The following CPNE4 variants were observed in gnomAD, a reference collection of about 807,000 sequenced individuals.
CPNE4 encodes the protein copine-4.
CPNE4 carries 25 observed loss-of-function variants against 67.9 expected under a neutral mutation model. The observed-to-expected ratio is 0.37, with a 90% CI of 0.27 to 0.51. The LOEUF (loss-of-function observed/expected upper bound fraction) is 0.51. Among genes scored for constraint, CPNE4 ranks in the 20% least tolerant of loss-of-function variants. The pLI is 0.93. For missense variants in CPNE4, 464 were observed against 690.8 expected, an observed-to-expected ratio of 0.67 and a Z score of 3.68; for synonymous variants, 242 against 244.9, an observed-to-expected ratio of 0.99 and a Z score of 0.11.
rs114448186 is a variant in CPNE4, at chr3:131,562,426, G to T, written c.1061+1790C>A. Among the ~76,000 whole-genome samples the T allele has an allele frequency of 6.0e-3, 917 of 152,004 alleles. 4 individuals are homozygous for T. Among genetic ancestry groups the T allele is most frequent in the Middle Eastern group, 0.02 (6 of 294 alleles). On this transcript the variant is annotated intron_variant, in intron 11 of 15. Coordinates refer to ENST00000429747, the MANE Select transcript of CPNE4 (RefSeq NM_130808.3). Reference sequence around the variant, plus strand: ...TTATTATGAGACTGCTTTCTTCCCCGCAGATTCAGAGTTAACTTTTTAATT... The same window carrying T: ...TTATTATGAGACTGCTTTCTTCCCCTCAGATTCAGAGTTAACTTTTTAATT...
chr3:131,769,007 G>A (rs2083096648), intron 2 of CPNE4, among the ~76,000 whole-genome samples: 1 of 152,190 alleles, frequency 6.6e-6, no homozygotes, highest in East Asian at 1.9e-4. Flanking sequence ...ACGAGGATGT[G>A]AAGTTACAAC....
At chr3:131,743,039 A>G (rs975377830) in intron 2 of CPNE4, among the ~76,000 whole-genome samples, 7 of 152,192 alleles carry the variant, frequency 4.6e-5, no homozygotes, top group Non-Finnish European at 5.9e-5. Context: ...AAACAAAAAT[A>G]TTAGAAGTAG....
intron 7 of CPNE4, among the ~76,000 whole-genome samples, chr3:131,641,963 G>A (rs943593760): frequency 3.3e-5 from 5 of 152,038 alleles, no homozygotes; most frequent in East Asian, 1.9e-4. Context: ...CTATGAGGGC[G>A]CTAAGGCATA....
chr3:131,636,922 A>G (rs922501124), intron 7 of CPNE4, among the ~76,000 whole-genome samples: 9 of 152,190 alleles, frequency 5.9e-5, no homozygotes, highest in African/African-American at 1.9e-4. Context: ...CTGGGTGGCT[A>G]GACCCAGAAA....
At position 131,685,975 on chromosome 3, in the gene CPNE4, T is replaced by G; in HGVS notation, c.508-17A>C. ...GAAGAAATCCTAAAATAGATAAACG[T>G]CAATGAATTGTTTTTCCTCCTGCAT... On this transcript the variant is annotated splice_polypyrimidine_tract_variant and intron_variant, in intron 5 of 15. Coordinates refer to ENST00000429747, the MANE Select transcript of CPNE4 (RefSeq NM_130808.3). 1 of 1,420,286 alleles carries G rather than the reference T, an allele frequency of 7.0e-7. No individual in the cohort carries two copies. Among genetic ancestry groups the G allele is most frequent in the Non-Finnish European group, 9.9e-7 (1 of 1,005,632 alleles). 88.0% of individuals were successfully genotyped at this position (1,420,286 alleles called of 1,614,324 possible).
chr3:131,717,876 T>TTCTTTCTTTC (rs1560172579), intron 3 of CPNE4, among the ~76,000 whole-genome samples: 11 of 24,358 alleles, frequency 4.5e-4, no homozygotes, highest in African/African-American at 1.3e-3. Flanking sequence ...TTTCTTTCTT[T>TTCTTTCTTTC]TCTTTCTTTC....
intron 7 of CPNE4, among the ~76,000 whole-genome samples, chr3:131,608,852 C>T (rs1559976638): frequency 1.3e-5 from 2 of 152,062 alleles, no homozygotes; most frequent in Non-Finnish European, 2.9e-5. Context: ...CCTCATTCCA[C>T]AACACTCCCC....
intron 14 of CPNE4, 29 bp from the exon 15 acceptor site, chr3:131,542,822 G>A (rs577700110): frequency 4.7e-6 from 7 of 1,490,528 alleles, no homozygotes; most frequent in South Asian, 2.3e-5. Context: ...TGATGATGGG[G>A]GGGGGTGAAG....
chr3:131,554,812 T>C (rs1304762738), intron 12 of CPNE4, among the ~76,000 whole-genome samples: 1 of 152,036 alleles, frequency 6.6e-6, no homozygotes, highest in Non-Finnish European at 1.5e-5. Flanking sequence ...GGTACCCTGC[T>C]GTCTCTCCAA....
At chr3:131,617,460 A>T (rs1414300042) in intron 7 of CPNE4, among the ~76,000 whole-genome samples, 3 of 152,244 alleles carry the variant, frequency 2.0e-5, no homozygotes, top group Admixed American at 6.5e-5. Context: ...CAGGTGAAGA[A>T]GCTAAAGATC....
At position 131,690,406 on chromosome 3, in the gene CPNE4, C is replaced by T. The variant is rs541935724; in HGVS notation, c.508-4448G>A. Among the ~76,000 whole-genome samples, 5 of 152,228 alleles carry T rather than the reference C, an allele frequency of 3.3e-5. No homozygotes were observed. In the South Asian group the frequency reaches 1.0e-3, roughly 32 times the overall value. On this transcript the variant is annotated intron_variant, in intron 5 of 15. Coordinates refer to ENST00000429747, the MANE Select transcript of CPNE4 (RefSeq NM_130808.3). ...AGCCACATACCTACAGCCATCTCTT[C>T]TTTGACAAAGTTGACAAAAATAAGA... is the stretch of plus-strand genomic sequence containing the variant.
chr3:131,541,827 C>A (rs534722127), intron 15 of CPNE4, among the ~76,000 whole-genome samples: 1 of 151,908 alleles, frequency 6.6e-6, no homozygotes, highest in Non-Finnish European at 1.5e-5. Context: ...CCTGCCACCA[C>A]GCCCAGCTAA....
chr3:131,801,091 G>T (rs546926607), intron 2 of CPNE4, among the ~76,000 whole-genome samples: 19 of 151,886 alleles, frequency 1.3e-4, no homozygotes, highest in Admixed American at 1.2e-3. Flanking sequence ...CTGGATTGTG[G>T]TACATAAATA....
chr3:131,919,100 T>C (rs1237164408), intron 1 of CPNE4, among the ~76,000 whole-genome samples: 1 of 152,148 alleles, frequency 6.6e-6, no homozygotes, highest in Non-Finnish European at 1.5e-5. Flanking sequence ...CTACTCTAAA[T>C]AAATGCCTGC....
intron 1 of CPNE4, among the ~76,000 whole-genome samples, chr3:131,916,045 T>A (rs1324190053): frequency 6.6e-6 from 1 of 152,138 alleles, no homozygotes; most frequent in Non-Finnish European, 1.5e-5. Context: ...GCAAGAGAAA[T>A]CGTATAAATG....
At chr3:131,622,879 G>A (rs1199775472) in intron 7 of CPNE4, among the ~76,000 whole-genome samples, 2 of 152,292 alleles carry the variant, frequency 1.3e-5, no homozygotes, top group South Asian at 2.1e-4. Context: ...TGAAAGTACT[G>A]CCCTAGAACA....
intron 2 of CPNE4, among the ~76,000 whole-genome samples, chr3:131,897,065 G>A (rs1009517908): frequency 6.6e-6 from 1 of 152,066 alleles, no homozygotes; most frequent in African/African-American, 2.4e-5. Flanking sequence ...GGTTTTAGAT[G>A]AGGACATTGA....
At chr3:131,819,491 TACACAC>T (rs5852655) in intron 2 of CPNE4, among the ~76,000 whole-genome samples, 130 of 146,156 alleles carry the variant, frequency 8.9e-4, no homozygotes, top group South Asian at 3.3e-3. Context: ...CACACACAGA[TACACAC>T]ACACACACAC....
rs574571106 is a variant in CPNE4, at chr3:131,875,558, A to G, written c.180+29706T>C. ...GACATGGATGAAGCTGGAAACCATC[A>G]TTCTCAGCAAACTATCGCAAGGACA... On this transcript the variant is annotated intron_variant, in intron 2 of 15. Transcript: ENST00000429747. Among the ~76,000 whole-genome samples, 5 of 152,224 alleles carry G rather than the reference A, an allele frequency of 3.3e-5. No homozygotes were observed. The East Asian group carries it at 9.7e-4, about 29-fold the overall frequency.
Sources: allele counts gnomAD v4.1 joint callset (sites outside exome capture counted in the v4.1 genomes callset), GRCh38; gene constraint gnomAD v4.1.1; transcripts MANE v1.5; gene names NCBI Gene and HGNC (gene_info 2026-07-23, HGNC 2026-07-21).